PACS1: variants seen among roughly 807,000 people sequenced by gnomAD.
PACS1 encodes PACS-1.
Under a neutral mutation model 115.0 loss-of-function variants are expected in PACS1, and 24 were observed. The ratio of observed to expected loss-of-function variants is 0.21; its 90% confidence interval spans 0.15 to 0.29. The LOEUF is 0.29. Ranked by LOEUF, PACS1 falls within the 10% of genes least tolerant of loss-of-function variation. PACS1 has a pLI of 1.00. For missense variants in PACS1, 838 were observed against 1,251.2 expected (o/e 0.67, Z 4.98); for synonymous variants, 453 against 504.5 (o/e 0.90, Z 1.37).
intron 1 of PACS1, among the ~76,000 whole-genome samples, chr11:66,186,992 T>A (rs1470818024): frequency 6.6e-6 from 1 of 152,210 alleles, no homozygotes; most frequent in Admixed American, 6.5e-5. Flanking sequence ...GGTAAGACAG[T>A]ACGTGGTCTT....
chr11:66,203,923 C>T (rs1854874876), intron 2 of PACS1, among the ~76,000 whole-genome samples: 1 of 152,260 alleles, frequency 6.6e-6, no homozygotes, highest in Non-Finnish European at 1.5e-5. Context: ...ATTTTTCCAA[C>T]TGCTTTGGCC....
chr11:66,111,973 A>G (rs1380452792), intron 1 of PACS1, among the ~76,000 whole-genome samples: 3 of 152,088 alleles, frequency 2.0e-5, no homozygotes, highest in African/African-American at 7.2e-5. Flanking sequence ...TGCCTGCCTC[A>G]TGTAGTCCCT....
At chr11:66,217,671 C>T (rs1044748992) in intron 7 of PACS1, 47 of 453,626 alleles carry the variant, frequency 1.0e-4, no homozygotes, top group South Asian at 3.9e-4. Flanking sequence ...AACTAGGGAG[C>T]GGGAGGACTG....
intron 1 of PACS1, among the ~76,000 whole-genome samples, chr11:66,187,062 A>G (rs1414256791): frequency 2.0e-5 from 3 of 152,200 alleles, no homozygotes; most frequent in African/African-American, 4.8e-5. Flanking sequence ...TGACACATGT[A>G]TCATAGCTTG....
chr11:66,221,131 C>T, intron 9 of PACS1, 23 bp from the exon 10 acceptor site: 1 of 1,600,762 alleles, frequency 6.2e-7, no homozygotes, highest in South Asian at 1.1e-5. Flanking sequence ...CAGCACTGAC[C>T]CTGGCTGTGC....
At chr11:66,213,902 G>A (rs1261714534) in intron 4 of PACS1, among the ~76,000 whole-genome samples, 1 of 151,868 alleles carries the variant, frequency 6.6e-6, no homozygotes, top group African/African-American at 2.4e-5. Flanking sequence ...GCATGGTGGC[G>A]GGCGCCTGTA....
chr11:66,109,173 C>G (rs145474798), intron 1 of PACS1, among the ~76,000 whole-genome samples: 7 of 152,158 alleles, frequency 4.6e-5, no homozygotes, highest in Non-Finnish European at 8.8e-5. Context: ...GGGGATATCC[C>G]GTACCCTCCA....
chr11:66,200,214 G>A (rs1265896043), intron 2 of PACS1, among the ~76,000 whole-genome samples: 1 of 152,040 alleles, frequency 6.6e-6, no homozygotes, highest in Non-Finnish European at 1.5e-5. Flanking sequence ...AGCTGGATGT[G>A]GTGGTGTGCA....
chr11:66,217,329 C>T (rs1328556191), intron 7 of PACS1: 10 of 323,326 alleles, frequency 3.1e-5, no homozygotes, highest in Non-Finnish European at 5.5e-5. Context: ...CCTCAAGAGT[C>T]ACTGTTTTGA....
chr11:66,083,665 C>G (rs1255641856), intron 1 of PACS1, among the ~76,000 whole-genome samples: 1 of 152,048 alleles, frequency 6.6e-6, no homozygotes, highest in Non-Finnish European at 1.5e-5. Context: ...TGTGGAGAGG[C>G]TTCATTATAT....
chr11:66,217,412 C>T, intron 7 of PACS1: 1 of 365,282 alleles, frequency 2.7e-6, no homozygotes, highest in Non-Finnish European at 5.5e-6. Flanking sequence ...TCTGGAGTGC[C>T]TGCATGAAGT....
In PACS1 at chr11:66,140,167, A is replaced by G. The variant is rs940334626; in HGVS notation, c.357-53319A>G. ...GTAAGAATGTTCTGGGTGTCTCGTT[A>G]AAATGCAGATTCTGATTCAGCTGGC... On this transcript the variant is annotated intron_variant, in intron 1 of 23. Coordinates refer to ENST00000320580, the MANE Select transcript of PACS1 (RefSeq NM_018026.4). 4.6e-5 allele frequency among the ~76,000 whole-genome samples: 7 copies of G among 152,172 alleles called. No homozygotes were observed. In the South Asian group the frequency reaches 8.3e-4, roughly 18 times the overall value.
At chr11:66,088,785 C>G (rs1857613084) in intron 1 of PACS1, among the ~76,000 whole-genome samples, 1 of 152,074 alleles carries the variant, frequency 6.6e-6, no homozygotes, top group African/African-American at 2.4e-5. Context: ...AAAAACTTCT[C>G]TTGGGGGAGA....
intron 1 of PACS1, among the ~76,000 whole-genome samples, chr11:66,156,234 A>G (rs576674818): frequency 1.2e-5 from 1 of 86,388 alleles, no homozygotes; most frequent in Non-Finnish European, 2.1e-5. Flanking sequence ...ATATATATAT[A>G]TATATATATA....
At chr11:66,175,901 T>C (rs991093398) in intron 1 of PACS1, among the ~76,000 whole-genome samples, 1 of 152,144 alleles carries the variant, frequency 6.6e-6, no homozygotes, top group Admixed American at 6.5e-5. Context: ...TCAGATTGAA[T>C]TTTTTTCCTT....
chr11:66,222,051 A>C (rs929147954), intron 10 of PACS1, among the ~76,000 whole-genome samples: 2 of 152,172 alleles, frequency 1.3e-5, no homozygotes, highest in African/African-American at 2.4e-5. Context: ...AGGAGGCAGA[A>C]GCTGCAGTGA....
rs1160517846 is a variant in PACS1, at chr11:66,070,612, G to A, written c.126G>A (p.Pro42=). Residue 42 remains proline (P), a synonymous_variant, in exon 1 of 24, where the codon CCG becomes CCA. Transcript: ENST00000320580. This position sits in a 1 kb window ranked among gnomAD's most constrained non-coding sequence, Gnocchi z 5.9. ...CGCAGCAGCAGCAGCAGCAGCCGCC[G>A]CAGCAGCCGACGCCCCCCAAGCTGG... ...PPPQQQQQQP[P]QQPTPPKLAQ... The A allele has an allele frequency of 1.3e-6, 2 of 1,532,350 alleles. No individual in the cohort carries two copies. The highest frequency in any genetic ancestry group is 8.7e-7 in the Non-Finnish European group (1 of 1,148,752). 94.9% of individuals were successfully genotyped at this position (1,532,350 alleles called of 1,614,324 possible).
chr11:66,085,462 T>A (rs1436606541), intron 1 of PACS1, among the ~76,000 whole-genome samples: 1 of 152,224 alleles, frequency 6.6e-6, no homozygotes, highest in Non-Finnish European at 1.5e-5. Context: ...GCTCATTATA[T>A]CTAGATCAAA....
At chr11:66,131,485 A>G (rs1374586736) in intron 1 of PACS1, among the ~76,000 whole-genome samples, 1 of 152,178 alleles carries the variant, frequency 6.6e-6, no homozygotes, top group Non-Finnish European at 1.5e-5. Flanking sequence ...GCAGTTATAA[A>G]TGTTTCAGAT....
Sources: gnomAD v4.1 joint callset for allele counts (sites outside exome capture counted in the v4.1 genomes callset) on GRCh38, gnomAD v4.1.1 for gene constraint, Gnocchi (gnomAD v3.1) non-coding constraint, MANE v1.5 for transcripts, NCBI Gene and HGNC (gene_info 2026-07-23, HGNC 2026-07-21) for gene names.